The following EFCAB14 variants were observed in gnomAD, a reference collection of about 807,000 sequenced individuals.
EFCAB14 encodes EF-hand calcium-binding domain-containing protein 14.
EFCAB14 carries 43 observed loss-of-function variants against 56.5 expected under a neutral mutation model. The observed-to-expected ratio is 0.76, with a 90% CI of 0.60 to 0.98. The LOEUF (loss-of-function observed/expected upper bound fraction) is 0.98. Ranked by LOEUF, EFCAB14 falls within the 50% of genes least tolerant of loss-of-function variation. EFCAB14 has a pLI of 0.00. For synonymous variants in EFCAB14, 235 were observed against 212.9 expected (o/e 1.10, Z -0.90); for missense variants, 538 against 580.3 (o/e 0.93, Z 0.75).
At chr1:46,689,097 G>C (rs1676936767) in intron 6 of EFCAB14, among the ~76,000 whole-genome samples, 2 of 152,162 alleles carry the variant, frequency 1.3e-5, no homozygotes. Flanking sequence ...TCTGAGTGAA[G>C]ATTTCCTCTA....
chr1:46,713,499 T>C (rs1348851653), intron 2 of EFCAB14, among the ~76,000 whole-genome samples: 1 of 152,186 alleles, frequency 6.6e-6, no homozygotes, highest in Non-Finnish European at 1.5e-5. Flanking sequence ...CTATTATATG[T>C]ACAAGTACTA....
At chr1:46,690,898 G>A (rs1228730178) in intron 5 of EFCAB14, among the ~76,000 whole-genome samples, 1 of 151,894 alleles carries the variant, frequency 6.6e-6, no homozygotes, top group African/African-American at 2.4e-5. Flanking sequence ...CTTGCAAAGA[G>A]CAGGTGGGGG....
chr1:46,683,569 G>A, intron 9 of EFCAB14, 144 bp from the exon 10 acceptor site: 1 of 873,550 alleles, frequency 1.1e-6, no homozygotes, highest in East Asian at 2.8e-5. Flanking sequence ...GTGACTATGT[G>A]AAGTTAAAGG....
chr1:46,701,899 T>G (rs1052112849), intron 3 of EFCAB14, among the ~76,000 whole-genome samples: 31 of 152,198 alleles, frequency 2.0e-4, no homozygotes, highest in African/African-American at 7.2e-4. Flanking sequence ...ATTTCTCTCT[T>G]CAGTAAAATA....
At chr1:46,685,568 G>A (rs1431074864) in intron 8 of EFCAB14, among the ~76,000 whole-genome samples, 1 of 152,186 alleles carries the variant, frequency 6.6e-6, no homozygotes, top group Non-Finnish European at 1.5e-5. Flanking sequence ...ATGGTAAGGA[G>A]AAATTGTATC....
intron 3 of EFCAB14, among the ~76,000 whole-genome samples, chr1:46,698,606 G>A (rs1677109081): frequency 1.3e-5 from 2 of 152,242 alleles, no homozygotes. Context: ...AAGATTGGAT[G>A]AAGCCTATTT....
intron 3 of EFCAB14, among the ~76,000 whole-genome samples, chr1:46,697,048 C>A (rs757063263): frequency 6.6e-6 from 1 of 152,160 alleles, no homozygotes; most frequent in Non-Finnish European, 1.5e-5. Context: ...AATGTAATAC[C>A]TCAGTAATTT....
At chr1:46,679,569 C>A (rs1337948887) in intron 10 of EFCAB14, among the ~76,000 whole-genome samples, 1 of 129,486 alleles carries the variant, frequency 7.7e-6, no homozygotes, top group Non-Finnish European at 1.6e-5. Flanking sequence ...TCCCAGAGTG[C>A]TGGGATTATA....
intron 4 of EFCAB14, among the ~76,000 whole-genome samples, chr1:46,694,539 A>C (rs916032225): frequency 3.9e-5 from 6 of 152,366 alleles, no homozygotes; most frequent in African/African-American, 1.4e-4. Flanking sequence ...ATACCATCTC[A>C]CACCAGTTAG....
chr1:46,702,811 A>G (rs1180755052), intron 3 of EFCAB14, among the ~76,000 whole-genome samples: 1 of 152,104 alleles, frequency 6.6e-6, no homozygotes, highest in Non-Finnish European at 1.5e-5. Flanking sequence ...ACTGAGTGCT[A>G]AAAGAGAGCT....
chr1:46,685,762 C>T (rs1165493561), intron 8 of EFCAB14, among the ~76,000 whole-genome samples: 2 of 152,062 alleles, frequency 1.3e-5, no homozygotes, highest in African/African-American at 4.8e-5. Flanking sequence ...CTAATAGAAA[C>T]CACCTATTAG....
intron 3 of EFCAB14, among the ~76,000 whole-genome samples, chr1:46,707,325 T>C (rs1160337864): frequency 6.6e-6 from 1 of 152,206 alleles, no homozygotes; most frequent in Non-Finnish European, 1.5e-5. Flanking sequence ...TTGATCAACA[T>C]CCTTAGAATA....
chr1:46,687,392 A>G (rs1676902244), intron 7 of EFCAB14, among the ~76,000 whole-genome samples: 1 of 152,226 alleles, frequency 6.6e-6, no homozygotes, highest in Non-Finnish European at 1.5e-5. Flanking sequence ...ACAGCTTTGT[A>G]GTAAATTATA....
At position 46,695,576 on chromosome 1, in the gene EFCAB14, T is replaced by C. The variant is rs1350738740; in HGVS notation, c.579+975A>G. ...CAAACTTAGCACATATTTTTATAAT[T>C]CAAAGATCCTAGATTTGATATCCAC... On this transcript the variant is annotated intron_variant, in intron 4 of 10. Transcript: ENST00000371933. Among the ~76,000 whole-genome samples the C allele has an allele frequency of 2.0e-5, 3 of 152,244 alleles. No homozygotes were observed. In the East Asian group the frequency reaches 5.8e-4, roughly 29 times the overall value.
intron 7 of EFCAB14, among the ~76,000 whole-genome samples, chr1:46,687,791 T>C (rs1676910446): frequency 6.6e-6 from 1 of 152,186 alleles, no homozygotes; most frequent in African/African-American, 2.4e-5. Context: ...AGTAGGTCAG[T>C]TTCCTTACAT....
chr1:46,707,173 T>TTTTTTTTTTTTTTTTTTG (rs1677245062), intron 3 of EFCAB14, among the ~76,000 whole-genome samples: 1 of 152,252 alleles, frequency 6.6e-6, no homozygotes, highest in Non-Finnish European at 1.5e-5. Context: ...TATCTATTTT[T>TTTTTTTTTTTTTTTTTTG]AAGCACTTTG....
At chr1:46,716,540 T>C in intron 1 of EFCAB14, 97 bp from the exon 2 acceptor site, 3 of 1,359,086 alleles carry the variant, frequency 2.2e-6, no homozygotes, top group Non-Finnish European at 2.0e-6. Flanking sequence ...TTATCTCCTT[T>C]AAATGAATAA....
chr1:46,682,920 G>A (rs1368267047), intron 10 of EFCAB14, among the ~76,000 whole-genome samples: 4 of 152,182 alleles, frequency 2.6e-5, no homozygotes, highest in African/African-American at 9.7e-5. Flanking sequence ...TACTTGGGAG[G>A]CTGAGGCATG....
intron 4 of EFCAB14, among the ~76,000 whole-genome samples, chr1:46,696,021 G>A (rs1200131130): frequency 6.6e-6 from 1 of 151,934 alleles, no homozygotes; most frequent in Non-Finnish European, 1.5e-5. Flanking sequence ...AGCAGGAGCA[G>A]GAGTGTTTGA....
Sources: allele counts gnomAD v4.1 joint callset (sites outside exome capture counted in the v4.1 genomes callset), GRCh38; gene constraint gnomAD v4.1.1; transcripts MANE v1.5; gene names NCBI Gene and HGNC (gene_info 2026-07-23, HGNC 2026-07-21).